The following PPP1R9A variants were observed in gnomAD, a reference collection of about 807,000 sequenced individuals.
PPP1R9A encodes neurabin-1.
A neutral mutation model predicts 141.9 loss-of-function variants in PPP1R9A; 59 were observed. The ratio of observed to expected loss-of-function variants is 0.42; its 90% CI spans 0.34 to 0.52. PPP1R9A has a LOEUF of 0.52. Among genes scored for constraint, PPP1R9A ranks in the 20% least tolerant of loss-of-function variants. PPP1R9A has a pLI of 0.10. For synonymous variants in PPP1R9A, 500 were observed against 569.7 expected (o/e 0.88, Z 1.74); for missense variants, 1,444 against 1,611.9 (o/e 0.90, Z 1.78).
chr7:94,939,821 C>CATACATGTATATATGTGT (rs1795143842), intron 2 of PPP1R9A, among the ~76,000 whole-genome samples: 1 of 50,576 alleles, frequency 2.0e-5, no homozygotes, highest in Non-Finnish European at 5.5e-5. Flanking sequence ...TATGTGTACA[C>CATACATGTATATATGTGT]ACACACACAC....
intron 5 of PPP1R9A, among the ~76,000 whole-genome samples, chr7:95,181,827 T>A (rs1273274973): frequency 6.8e-6 from 1 of 147,208 alleles, no homozygotes; most frequent in Admixed American, 7.0e-5. Context: ...TATATACATA[T>A]ATGATAGAAT....
intron 8 of PPP1R9A, among the ~76,000 whole-genome samples, chr7:95,247,052 T>C (rs1798217811): frequency 6.6e-6 from 1 of 152,180 alleles, no homozygotes; most frequent in Non-Finnish European, 1.5e-5. Context: ...AGCGCCACCT[T>C]TCTTGCAGAT....
intron 2 of PPP1R9A, among the ~76,000 whole-genome samples, chr7:95,057,588 A>G (rs1811670888): frequency 6.6e-6 from 1 of 152,160 alleles, no homozygotes; most frequent in African/African-American, 2.4e-5. Context: ...ATTTAGGTAC[A>G]TTAAAGAAAT....
intron 2 of PPP1R9A, among the ~76,000 whole-genome samples, chr7:95,068,355 A>C (rs549075357): frequency 1.1e-4 from 17 of 151,464 alleles, no homozygotes; most frequent in Middle Eastern, 3.4e-3. Context: ...CTGTAGTCCC[A>C]GCTACTTGGG....
At chr7:95,118,626 T>C (rs1371429659) in intron 3 of PPP1R9A, among the ~76,000 whole-genome samples, 1 of 151,922 alleles carries the variant, frequency 6.6e-6, no homozygotes, top group Admixed American at 6.6e-5. Flanking sequence ...CAGGCATAAG[T>C]TGGTTATAAG....
At chr7:95,162,808 T>C (rs1237046743) in intron 5 of PPP1R9A, among the ~76,000 whole-genome samples, 1 of 152,190 alleles carries the variant, frequency 6.6e-6, no homozygotes, top group African/African-American at 2.4e-5. Flanking sequence ...TTGCAGTATG[T>C]CTAATTTTGC....
Position 95,215,057 on chromosome 7 carries a change from G to A in PPP1R9A, c.1957-10904G>A, listed in dbSNP as rs547281359. Among the ~76,000 whole-genome samples the A allele has an allele frequency of 1.8e-4, 27 of 151,878 alleles. No individual in the cohort carries two copies. In the East Asian group the frequency reaches 3.5e-3, roughly 20 times the overall value. On this transcript the variant is annotated intron_variant, in intron 7 of 19. Coordinates refer to ENST00000433360, the MANE Select transcript of PPP1R9A (RefSeq NM_001166160.2). ...TACATATGTATACATGTGCCATGTT[G>A]GTATGCTGCACCCATTAACTCGTCA... is the stretch of plus-strand genomic sequence containing the variant.
At chr7:94,938,701 A>G (rs1795024950) in intron 2 of PPP1R9A, among the ~76,000 whole-genome samples, 1 of 152,162 alleles carries the variant, frequency 6.6e-6, no homozygotes, top group Non-Finnish European at 1.5e-5. Context: ...GGGCAAGCCA[A>G]TTTTTAAACT....
rs1208988441 is a variant in PPP1R9A, at chr7:95,021,090, A to C, written c.1396-90169A>C. Among the ~76,000 whole-genome samples the C allele has an allele frequency of 2.6e-5, 4 of 152,322 alleles. No individual in the cohort carries two copies. The East Asian group carries it at 7.7e-4, about 29-fold the overall frequency. ...GGTTGAACTAATTTACACTCCCACCAGTAGTGTAAAAGCATTCCTATTTCT... is the reference window on the plus strand; with the variant it reads ...GGTTGAACTAATTTACACTCCCACCCGTAGTGTAAAAGCATTCCTATTTCT... On this transcript the variant is annotated intron_variant, in intron 2 of 19. Coordinates refer to ENST00000433360, the MANE Select transcript of PPP1R9A (RefSeq NM_001166160.2).
chr7:94,918,241 A>G (rs1277828598), intron 2 of PPP1R9A, among the ~76,000 whole-genome samples: 1 of 152,106 alleles, frequency 6.6e-6, no homozygotes, highest in African/African-American at 2.4e-5. Context: ...TTAGTTTGTG[A>G]CATAGACATT....
intron 5 of PPP1R9A, among the ~76,000 whole-genome samples, chr7:95,185,544 C>G (rs1834525235): frequency 6.6e-6 from 1 of 152,038 alleles, no homozygotes; most frequent in Admixed American, 6.6e-5. Flanking sequence ...TAGGTCCCAT[C>G]TATTTACCTT....
intron 3 of PPP1R9A, among the ~76,000 whole-genome samples, 161 bp downstream of exon 3, chr7:95,111,552 G>C (rs1017565209): frequency 2.6e-5 from 4 of 152,154 alleles, no homozygotes; most frequent in African/African-American, 9.7e-5. Context: ...TGGATTCTGA[G>C]TAGATGGTGG....
intron 2 of PPP1R9A, among the ~76,000 whole-genome samples, chr7:94,919,474 G>A (rs138211450): frequency 1.3e-5 from 2 of 152,076 alleles, no homozygotes; most frequent in Non-Finnish European, 2.9e-5. Context: ...GGTACAAGTG[G>A]CATTGATGCT....
chr7:95,111,527 C>G, intron 3 of PPP1R9A, 136 bp downstream of exon 3: 1 of 939,422 alleles, frequency 1.1e-6, no homozygotes, highest in Non-Finnish European at 1.5e-6. Flanking sequence ...TATTAAGTTT[C>G]AAAAATAGTT....
At chr7:95,118,354 A>G (rs190928057) in intron 3 of PPP1R9A, among the ~76,000 whole-genome samples, 47 of 152,332 alleles carry the variant, frequency 3.1e-4, no homozygotes, top group African/African-American at 1.1e-3. Flanking sequence ...AACTTAATAA[A>G]TGTAATGAAT....
chr7:95,007,046 G>C (rs1803715483), intron 2 of PPP1R9A, among the ~76,000 whole-genome samples: 1 of 152,038 alleles, frequency 6.6e-6, no homozygotes, highest in Admixed American at 6.6e-5. Context: ...ATTTTTAGTA[G>C]AGACGAGGTT....
In PPP1R9A at chr7:95,175,241, C is replaced by T. The variant is rs556788187; in HGVS notation, c.1754+13270C>T. Among the ~76,000 whole-genome samples, 30 of 146,036 alleles carry T rather than the reference C, an allele frequency of 2.1e-4. No individual in the cohort carries two copies. The East Asian group carries it at 4.4e-3, about 22-fold the overall frequency. ...ATGTTAGAGGCAGCCTATCATAGTA[C>T]GGATCAATAACTAGTTGGATGGATG... On this transcript the variant is annotated intron_variant, in intron 5 of 19. Coordinates refer to ENST00000433360, the MANE Select transcript of PPP1R9A (RefSeq NM_001166160.2).
At chr7:95,111,496 A>T (rs538590163) in intron 3 of PPP1R9A, 105 bp downstream of exon 3, 1 of 1,108,982 alleles carries the variant, frequency 9.0e-7, no homozygotes, top group Non-Finnish European at 1.3e-6. Flanking sequence ...TAAAATTTTA[A>T]TTCTAACAGA....
At position 95,198,625 on chromosome 7, in the gene PPP1R9A, G is replaced by C; in HGVS notation, c.1890+141G>C. The C allele has an allele frequency of 3.1e-6, 3 of 976,838 alleles. 1 individual carries two copies. In the South Asian group the frequency reaches 8.7e-5, roughly 28 times the overall value. The allele number at this position is 976,838 out of a possible 1,614,324, so 60.5% of individuals were successfully genotyped here. On this transcript the variant is annotated intron_variant, in intron 6 of 19. Transcript: ENST00000433360. ...TGAACTAAAATTCTACCTTAGAAAA[G>C]AAATACTACTCGCATCTGATATACG...
Sources: gnomAD v4.1 joint callset for allele counts (sites outside exome capture counted in the v4.1 genomes callset) on GRCh38, gnomAD v4.1.1 for gene constraint, MANE v1.5 for transcripts, NCBI Gene and HGNC (gene_info 2026-07-23, HGNC 2026-07-21) for gene names.